Variants in CCNY observed in about 807,000 individuals in gnomAD.
CCNY encodes the protein cyclin-Y.
In CCNY, 19 loss-of-function variants were observed where a neutral mutation model predicts 42.8. The ratio of observed to expected loss-of-function variants is 0.44; its 90% CI spans 0.31 to 0.65. The LOEUF is 0.65. Ranked by LOEUF, CCNY falls within the 30% of genes least tolerant of loss-of-function variation. CCNY has a pLI of 0.07. For synonymous variants in CCNY, 165 were observed against 162.7 expected, an observed-to-expected ratio of 1.01 and a Z score of -0.11; for missense variants, 370 against 437.3, an observed-to-expected ratio of 0.85 and a Z score of 1.37.
chr10:35,556,977 T>C (rs1204913916), intron 8 of CCNY, among the ~76,000 whole-genome samples: 1 of 152,080 alleles, frequency 6.6e-6, no homozygotes, highest in Admixed American at 6.5e-5. Context: ...CCTGAGTAGC[T>C]GGGATTACAG....
Position 35,433,797 on chromosome 10 carries a change from T to TA in CCNY, c.155-49606dup, listed in dbSNP as rs555790620. ...TAATTTTTTGTATTTTTAGTAGAGATAGAGTTTCACCATGTTGGCCAGGCT... is the reference window on the plus strand; with the variant it reads ...TAATTTTTTGTATTTTTAGTAGAGATAAGAGTTTCACCATGTTGGCCAGGCT... On this transcript the variant is annotated intron_variant, in intron 1 of 9. Coordinates refer to ENST00000374704, the MANE Select transcript of CCNY (RefSeq NM_145012.6). Among the ~76,000 whole-genome samples, 24 of 152,266 alleles carry TA rather than the reference T, an allele frequency of 1.6e-4. No individual in the cohort carries two copies. In the East Asian group the frequency reaches 4.4e-3, roughly 28 times the overall value.
At chr10:35,423,071 C>T (rs1838192548) in intron 1 of CCNY, among the ~76,000 whole-genome samples, 1 of 152,178 alleles carries the variant, frequency 6.6e-6, no homozygotes, top group African/African-American at 2.4e-5. Context: ...TCTCCACCTC[C>T]CCAGTCTCCT....
chr10:35,301,006 C>T (rs1383085654), intron 3 of CCNY, among the ~76,000 whole-genome samples: 2 of 152,114 alleles, frequency 1.3e-5, no homozygotes, highest in African/African-American at 4.8e-5. Flanking sequence ...CGAGGTTTCA[C>T]CATGTTGGCC....
At chr10:35,528,592 CAA>C (rs985902165) in intron 5 of CCNY, among the ~76,000 whole-genome samples, 6 of 152,070 alleles carry the variant, frequency 3.9e-5, no homozygotes, top group Non-Finnish European at 8.8e-5. Context: ...ATCCCAGCTA[CAA>C]GGGATATTGA....
chr10:35,432,659 T>C (rs1416386899), intron 1 of CCNY, among the ~76,000 whole-genome samples: 1 of 152,242 alleles, frequency 6.6e-6, no homozygotes, highest in Admixed American at 6.5e-5. Context: ...CACTGAAAGC[T>C]TAGGATCACA....
intron 2 of CCNY, among the ~76,000 whole-genome samples, chr10:35,491,628 A>C (rs1055300203): frequency 1.3e-5 from 2 of 151,724 alleles, no homozygotes; most frequent in African/African-American, 4.8e-5. Context: ...TTATTTATTT[A>C]TTTATTTTTT....
Position 35,420,502 on chromosome 10 carries a change from CT to C in CCNY, c.155-62901del, listed in dbSNP as rs1417262575. 1.1e-4 allele frequency among the ~76,000 whole-genome samples: 16 copies of C among 152,156 alleles called. No individual in the cohort carries two copies. The East Asian group carries it at 3.1e-3, about 29-fold the overall frequency. On this transcript the variant is annotated intron_variant, in intron 1 of 9. Transcript: ENST00000374704. ...TTCAGTGACTTTGCAACTACTCTTT[CT>C]GCATATCTTCAGTTTGAGATGAACA...
chr10:35,305,868 T>C (rs1835600278), intron 3 of CCNY, among the ~76,000 whole-genome samples: 1 of 152,214 alleles, frequency 6.6e-6, no homozygotes, highest in Non-Finnish European at 1.5e-5. Flanking sequence ...GTCTGACCCC[T>C]TGTAAGACTT....
chr10:35,508,835 A>G (rs941212315), intron 3 of CCNY, among the ~76,000 whole-genome samples: 167 of 152,304 alleles, frequency 1.1e-3, no homozygotes, highest in African/African-American at 3.9e-3. Context: ...GAGGTGTGCA[A>G]CTGTCATCAC....
At chr10:35,293,015 G>A (rs999712374) in intron 3 of CCNY, among the ~76,000 whole-genome samples, 3 of 151,698 alleles carry the variant, frequency 2.0e-5, no homozygotes, top group Admixed American at 1.3e-4. Flanking sequence ...CCTGACCTCA[G>A]GTGATCCACC....
At chr10:35,412,083 A>G (rs1837918622) in intron 1 of CCNY, among the ~76,000 whole-genome samples, 1 of 152,138 alleles carries the variant, frequency 6.6e-6, no homozygotes, top group Non-Finnish European at 1.5e-5. Flanking sequence ...GCTGGAGTGC[A>G]AGGTGGGGAA....
At chr10:35,368,125 G>A (rs1836849280) in intron 1 of CCNY, among the ~76,000 whole-genome samples, 1 of 152,188 alleles carries the variant, frequency 6.6e-6, no homozygotes, top group South Asian at 2.1e-4. Context: ...TTAGAACAAC[G>A]AGAACTGCTT....
At chr10:35,536,327 C>CT (rs913446169) in intron 7 of CCNY, among the ~76,000 whole-genome samples, 2 of 151,972 alleles carry the variant, frequency 1.3e-5, no homozygotes, top group Admixed American at 6.6e-5. Context: ...AATTAAACCT[C>CT]TTTTTTTTCC....
intron 3 of CCNY, among the ~76,000 whole-genome samples, chr10:35,317,009 C>T (rs1835768045): frequency 6.6e-6 from 1 of 152,158 alleles, no homozygotes; most frequent in East Asian, 1.9e-4. Context: ...CCACGCCCGG[C>T]TAATTTTTCT....
intron 1 of CCNY, among the ~76,000 whole-genome samples, chr10:35,343,357 C>A (rs1038825924): frequency 6.7e-6 from 1 of 149,816 alleles, no homozygotes; most frequent in African/African-American, 2.5e-5. Flanking sequence ...CTCACCTTCT[C>A]ACCCTCCTCT....
chr10:35,438,429 TAC>T, intron 1 of CCNY, among the ~76,000 whole-genome samples: 1 of 152,194 alleles, frequency 6.6e-6, no homozygotes, highest in East Asian at 1.9e-4. Context: ...GTGCCCAGGT[TAC>T]AGTCATGAGC....
At position 35,336,683 on chromosome 10, in the gene CCNY, A is replaced by G. The variant is rs927388435; in HGVS notation, c.-371A>G. Among the ~76,000 whole-genome samples the G allele has an allele frequency of 6.8e-6, 1 of 146,986 alleles. No homozygotes were observed. The highest frequency in any genetic ancestry group is 2.5e-5 in the African/African-American group (1 of 40,704). ...GTCGCCGCAGCCGCCGGGGAAGCGG[A>G]CACCAACTGGGGAAGCGCGGGGGGG... On this transcript the variant is annotated 5_prime_UTR_variant, in exon 1 of 10. Transcript: ENST00000374704.
At chr10:35,333,046 T>G (rs1324218248), upstream of CCNY, among the ~76,000 whole-genome samples, 1 of 152,046 alleles carries the variant, frequency 6.6e-6, no homozygotes, top group African/African-American at 2.4e-5. Context: ...TCAATTTTTT[T>G]TTTCTTTTAA....
At chr10:35,417,286 G>T (rs367569259) in intron 1 of CCNY, among the ~76,000 whole-genome samples, 7 of 152,330 alleles carry the variant, frequency 4.6e-5, no homozygotes, top group African/African-American at 2.4e-5. Flanking sequence ...GCCTTTCAGG[G>T]AGTAAGAGGA....
Sources: gnomAD v4.1 joint callset for allele counts (sites outside exome capture counted in the v4.1 genomes callset) on GRCh38, gnomAD v4.1.1 for gene constraint, MANE v1.5 for transcripts, NCBI Gene and HGNC (gene_info 2026-07-23, HGNC 2026-07-21) for gene names.